The following DCHS2 variants were observed in gnomAD, a reference collection of about 807,000 sequenced individuals.
DCHS2 encodes dachsous cadherin-related 2.
A neutral mutation model predicts 182.4 loss-of-function variants in DCHS2; 142 were observed. That is an observed-to-expected ratio of 0.78 (90% CI 0.68 to 0.89). The LOEUF (loss-of-function observed/expected upper bound fraction) is 0.89. DCHS2 is among the 40% of genes least tolerant of loss of function. The probability of loss-of-function intolerance (pLI) is 0.00; values close to 1 mark genes in which losing one functional copy is unlikely to be tolerated. For synonymous variants in DCHS2, 1,740 were observed against 1,663.3 expected, an observed-to-expected ratio of 1.05 and a Z score of -1.12; for missense variants, 4,319 against 4,198.6, an observed-to-expected ratio of 1.03 and a Z score of -0.79.
intron 1 of DCHS2, among the ~76,000 whole-genome samples, chr4:154,391,731 G>A (rs1249559251): frequency 2.0e-5 from 3 of 152,098 alleles, no homozygotes; most frequent in Non-Finnish European, 4.4e-5. Flanking sequence ...TCCCAGCAGA[G>A]GAAGAAAACA....
intron 3 of DCHS2, among the ~76,000 whole-genome samples, chr4:154,359,303 G>A (rs568782807): frequency 4.8e-4 from 73 of 152,046 alleles, no homozygotes; most frequent in Admixed American, 1.6e-3. Context: ...TTGAACAGAT[G>A]CAGTACTAAG....
At chr4:154,265,388 G>T (rs921517606) in intron 14 of DCHS2, among the ~76,000 whole-genome samples, 2 of 152,202 alleles carry the variant, frequency 1.3e-5, no homozygotes, top group African/African-American at 4.8e-5. Context: ...TCATAGAAGA[G>T]TACGTAGCAT....
intron 1 of DCHS2, among the ~76,000 whole-genome samples, chr4:154,403,021 C>CTTGTATA (rs1220361334): frequency 6.6e-6 from 1 of 152,086 alleles, no homozygotes; most frequent in Non-Finnish European, 1.5e-5. Flanking sequence ...GTATATTGAC[C>CTTGTATA]TTGTATCCTC....
chr4:154,301,041 C>T (rs2111290008), intron 12 of DCHS2, among the ~76,000 whole-genome samples: 1 of 152,274 alleles, frequency 6.6e-6, no homozygotes, highest in South Asian at 2.1e-4. Context: ...AATTGCTCTA[C>T]CTGAGAGCTC....
At chr4:154,435,799 A>G (rs892538368) in intron 1 of DCHS2, among the ~76,000 whole-genome samples, 24 of 152,230 alleles carry the variant, frequency 1.6e-4, no homozygotes, top group Admixed American at 3.3e-4. Context: ...GACTTGTTAC[A>G]CAAATGTTAA....
Position 154,373,791 on chromosome 4 carries a change from G to GA in DCHS2, c.2244+3461dup, listed in dbSNP as rs1579019972. On this transcript the variant is annotated intron_variant, in intron 2 of 19. Transcript: ENST00000357232. ...AAGACGGGCAAGAGGGCAAGAAGGA[G>GA]AAAATCACAGCCAAGATGGAGAAGG... The GA allele has an allele frequency of 4.1e-6, 3 of 734,666 alleles. No homozygotes were observed. In the East Asian group the frequency reaches 8.1e-5, roughly 20 times the overall value. The allele number at this position is 734,666 out of a possible 1,614,324, so 45.5% of individuals were successfully genotyped here.
rs1209689906 is a variant in DCHS2 at position 154,417,244 on chromosome 4, AGAGAGAG to A, written c.2053-39807_2053-39801del. On this transcript the variant is annotated intron_variant, in intron 1 of 19. Transcript: ENST00000357232. ...GAGAGAGAGAGAGAGAGAGAGAGAGAGAGAGAGACCAGTCAGGGGAACTGGGAGTCAT... is the reference window on the plus strand; with the variant it reads ...GAGAGAGAGAGAGAGAGAGAGAGAGAACCAGTCAGGGGAACTGGGAGTCAT... Among the ~76,000 whole-genome samples the A allele has an allele frequency of 1.8e-3, 231 of 130,900 alleles. 2 individuals carry two copies. Among genetic ancestry groups the A allele is most frequent in the African/African-American group, 6.1e-3 (214 of 35,262 alleles). The allele number at this position is 130,900 out of a possible 152,430, so 85.9% of individuals were successfully genotyped here. A position where few individuals can be genotyped will look rare whatever the true frequency, so the allele number is the denominator to read the frequency against.
At chr4:154,404,865 G>T (rs1453701313) in intron 1 of DCHS2, among the ~76,000 whole-genome samples, 1 of 152,204 alleles carries the variant, frequency 6.6e-6, no homozygotes, top group African/African-American at 2.4e-5. Flanking sequence ...TCTAGGTAGT[G>T]TATTTGCTAA....
intron 1 of DCHS2, among the ~76,000 whole-genome samples, chr4:154,385,411 A>C (rs1453650162): frequency 6.6e-6 from 1 of 152,168 alleles, no homozygotes; most frequent in Non-Finnish European, 1.5e-5. Flanking sequence ...TTATAGCAGC[A>C]TGTTTATAAT....
intron 3 of DCHS2, among the ~76,000 whole-genome samples, chr4:154,348,165 A>G (rs1473063360): frequency 1.3e-5 from 2 of 151,988 alleles, no homozygotes; most frequent in African/African-American, 2.4e-5. Flanking sequence ...CTTAACTATT[A>G]TTCTCTCTCA....
At chr4:154,385,885 C>T (rs12651672) in intron 1 of DCHS2, among the ~76,000 whole-genome samples, 27,669 of 151,878 alleles carry the variant, frequency 0.18, 2,606 homozygotes, top group East Asian at 0.28. Context: ...GACCAGCCCA[C>T]GACACTACAC....
Position 154,491,113 on chromosome 4 carries a change from C to G in DCHS2, c.243G>C (p.Thr81=), listed in dbSNP as rs1286699396. ...LSVDEGLPPD[T]LVGDIRAGLP... ...GCCCGGCGCGGATGTCACCTACCAG[C>G]GTGTCCGGGGGAAGCCCCTCATCTA... Residue 81 remains threonine (T), a synonymous_variant, in exon 1 of 20, where the codon ACG becomes ACC. Transcript: ENST00000357232. 1 of 1,551,458 alleles carries G rather than the reference C, an allele frequency of 6.4e-7. No homozygotes were observed. Among genetic ancestry groups the G allele is most frequent in the Non-Finnish European group, 8.7e-7 (1 of 1,146,938 alleles).
chr4:154,304,663 A>G lies in DCHS2; in HGVS notation c.5605+6T>C. On this transcript the variant is annotated splice_donor_region_variant and intron_variant, in intron 12 of 19. Transcript: ENST00000357232. ...AACAAACAAACAAACAAACAAACAAACTTACCAATTATGTGATATTCAACA... is the reference window on the plus strand; with the variant it reads ...AACAAACAAACAAACAAACAAACAAGCTTACCAATTATGTGATATTCAACA... 8 of 1,595,358 alleles carry G rather than the reference A, an allele frequency of 5.0e-6. No homozygotes were observed. The highest frequency in any genetic ancestry group is 6.0e-6 in the Non-Finnish European group (7 of 1,170,584).
In DCHS2 at chr4:154,237,147, G is replaced by A. The variant is rs1731569164; in HGVS notation, c.7505C>T (p.Thr2502Ile). The A allele has an allele frequency of 6.2e-7, 1 of 1,607,874 alleles. No homozygotes were observed. Among genetic ancestry groups the A allele is most frequent in the Non-Finnish European group, 8.5e-7 (1 of 1,177,856 alleles). Residue 2502 changes from threonine (T) to isoleucine (I), a missense_variant, in exon 20 of 20, where the codon ACT (threonine) becomes ATT (isoleucine). Physicochemically the swap from Thr to Ile is moderately conservative, Grantham distance 89. Transcript: ENST00000357232. Reference protein sequence around the residue: ...SIDPKNGTIFTISPVLLLDTI... With the variant: ...SIDPKNGTIFIISPVLLLDTI... ...ATCCAGAAGTAATACGGGACTGATA[G>A]TAAATATTGTGCCTGAAAAATAAGA...
At chr4:154,377,798 T>C (rs1303060350) in intron 1 of DCHS2, among the ~76,000 whole-genome samples, 2 of 152,174 alleles carry the variant, frequency 1.3e-5, no homozygotes, top group African/African-American at 4.8e-5. Flanking sequence ...AGAATACCCA[T>C]AGGATTAAGG....
At chr4:154,402,460 G>T (rs1005377736) in intron 1 of DCHS2, among the ~76,000 whole-genome samples, 11 of 152,180 alleles carry the variant, frequency 7.2e-5, no homozygotes, top group Admixed American at 2.6e-4. Context: ...AGATCAATTT[G>T]GGAAGTAGTG....
intron 13 of DCHS2, among the ~76,000 whole-genome samples, chr4:154,296,155 C>T (rs528099711): frequency 6.6e-6 from 1 of 152,240 alleles, no homozygotes; most frequent in African/African-American, 2.4e-5. Flanking sequence ...TCATTCTTAT[C>T]ATGACAATCA....
chr4:154,350,570 T>C (rs1729561917), intron 3 of DCHS2, among the ~76,000 whole-genome samples: 1 of 152,192 alleles, frequency 6.6e-6, no homozygotes, highest in Non-Finnish European at 1.5e-5. Flanking sequence ...GTAAGAGCCA[T>C]GTAAATACCT....
intron 19 of DCHS2, among the ~76,000 whole-genome samples, chr4:154,238,671 T>C (rs1731653396): frequency 6.6e-6 from 1 of 152,168 alleles, no homozygotes; most frequent in African/African-American, 2.4e-5. Context: ...TGGTTTCCAG[T>C]TGGTAGAGAT....
Sources: gnomAD v4.1 joint callset for allele counts (sites outside exome capture counted in the v4.1 genomes callset) on GRCh38, gnomAD v4.1.1 for gene constraint, MANE v1.5 for transcripts, NCBI Gene and HGNC (gene_info 2026-07-23, HGNC 2026-07-21) for gene names.